ADGRL3: variants seen among roughly 807,000 people sequenced by gnomAD.
ADGRL3 encodes adhesion G protein-coupled receptor L3, also known as calcium-independent alpha-latrotoxin receptor 3.
ADGRL3 carries 62 observed loss-of-function variants against 153.5 expected under a neutral mutation model. The ratio of observed to expected loss-of-function variants is 0.40; its 90% CI spans 0.33 to 0.50. The LOEUF (loss-of-function observed/expected upper bound fraction) is 0.50. ADGRL3 is among the 20% of genes least tolerant of loss of function. The pLI is 0.47. For synonymous variants in ADGRL3, 710 were observed against 672.5 expected (o/e 1.06, Z -0.86); for missense variants, 1,641 against 1,859.4 (o/e 0.88, Z 2.16).
At chr4:61,214,356 C>A (rs543435447) in intron 1 of ADGRL3, among the ~76,000 whole-genome samples, 1 of 152,242 alleles carries the variant, frequency 6.6e-6, no homozygotes, top group South Asian at 2.1e-4. Flanking sequence ...TTGAACGGAC[C>A]TCGTATCTCT....
chr4:61,269,186 T>C (rs2093019355), intron 1 of ADGRL3, among the ~76,000 whole-genome samples: 1 of 151,704 alleles, frequency 6.6e-6, no homozygotes, highest in African/African-American at 2.4e-5. Context: ...GTCTGCTGTA[T>C]GACCAGTTTT....
intron 4 of ADGRL3, among the ~76,000 whole-genome samples, chr4:61,542,713 G>A (rs1182989272): frequency 1.3e-5 from 2 of 152,052 alleles, no homozygotes; most frequent in African/African-American, 4.8e-5. Context: ...CTATTTTGTG[G>A]CATTTTATTT....
In ADGRL3 at chr4:62,070,329, C is replaced by T. The variant is rs1029916749; in HGVS notation, c.4053C>T (p.Arg1351=). The T allele has an allele frequency of 1.9e-6, 3 of 1,553,372 alleles. No individual in the cohort carries two copies. Among genetic ancestry groups the T allele is most frequent in the South Asian group, 1.2e-5 (1 of 84,400 alleles). The change falls in exon 27 of 27, where the codon CGC becomes CGT. Residue 1351 remains arginine, a synonymous_variant. Coordinates refer to ENST00000683033, the MANE Select transcript of ADGRL3 (RefSeq NM_001387552.1). The stretch of plus-strand genomic sequence containing the variant: ...CTTCTTACCTGAACAACCATGAGCG[C>T]TCCAGTGAACAGAACAGGAATCTGA... ...YIPSYLNNHE[R]SSEQNRNLMN...
Position 61,813,792 on chromosome 4 carries a change from T to A in ADGRL3, c.1400-17T>A. The A allele has an allele frequency of 6.2e-7, 1 of 1,606,306 alleles. No homozygotes were observed. Among genetic ancestry groups the A allele is most frequent in the Non-Finnish European group, 8.5e-7 (1 of 1,173,190 alleles). ...ATACGTATGATGTCTTCTTAACAAT[T>A]TGTTTTGGGTCCACAGGGCAGGCAC... On this transcript the variant is annotated splice_polypyrimidine_tract_variant and intron_variant, in intron 8 of 26. Transcript: ENST00000683033.
intron 3 of ADGRL3, among the ~76,000 whole-genome samples, chr4:61,514,592 T>A (rs1011421209): frequency 8.5e-5 from 13 of 152,120 alleles, no homozygotes; most frequent in African/African-American, 3.1e-4. Context: ...GCCTCTCTAG[T>A]TTTTCTGTCA....
At chr4:61,447,941 A>G (rs1489846516) in intron 2 of ADGRL3, among the ~76,000 whole-genome samples, 1 of 152,194 alleles carries the variant, frequency 6.6e-6, no homozygotes, top group Non-Finnish European at 1.5e-5. Context: ...AAACAACAAC[A>G]AAATACGGAC....
intron 10 of ADGRL3, among the ~76,000 whole-genome samples, chr4:61,895,228 G>A (rs561716209): frequency 6.6e-6 from 1 of 152,068 alleles, no homozygotes; most frequent in African/African-American, 2.4e-5. Flanking sequence ...AGCACTTTGC[G>A]AGGCCAAGGC....
chr4:61,317,266 C>A (rs964597106), intron 1 of ADGRL3, among the ~76,000 whole-genome samples: 1 of 152,048 alleles, frequency 6.6e-6, no homozygotes, highest in African/African-American at 2.4e-5. Context: ...ATCTGGCAGA[C>A]CAATATCTTA....
chr4:61,368,605 A>C (rs1340892416), intron 1 of ADGRL3, among the ~76,000 whole-genome samples: 1 of 151,922 alleles, frequency 6.6e-6, no homozygotes, highest in Non-Finnish European at 1.5e-5. Context: ...TTTTGGTACC[A>C]GTACCATGCT....
intron 5 of ADGRL3, among the ~76,000 whole-genome samples, chr4:61,593,765 T>C (rs1320458914): frequency 6.6e-6 from 1 of 152,198 alleles, no homozygotes; most frequent in Non-Finnish European, 1.5e-5. Flanking sequence ...GAAGTTTGAT[T>C]ATTAAAAGCC....
intron 8 of ADGRL3, among the ~76,000 whole-genome samples, chr4:61,786,648 A>G (rs1231459116): frequency 1.3e-5 from 2 of 152,192 alleles, no homozygotes; most frequent in Non-Finnish European, 2.9e-5. Flanking sequence ...TCTGAATAGG[A>G]CATCATATTG....
At chr4:61,664,960 C>T (rs1313631434) in intron 5 of ADGRL3, among the ~76,000 whole-genome samples, 2 of 152,148 alleles carry the variant, frequency 1.3e-5, no homozygotes, top group African/African-American at 4.8e-5. Flanking sequence ...AACTGCATGC[C>T]TCTCAGGTCC....
intron 5 of ADGRL3, among the ~76,000 whole-genome samples, chr4:61,595,051 C>T (rs114144142): frequency 0.031 from 4,754 of 152,172 alleles, 225 homozygotes; most frequent in African/African-American, 0.11. Context: ...GCCTGGAACT[C>T]ACCCTTCAGG....
At chr4:61,715,686 A>G (rs2096094739) in intron 6 of ADGRL3, among the ~76,000 whole-genome samples, 1 of 152,074 alleles carries the variant, frequency 6.6e-6, no homozygotes. Flanking sequence ...TCACATAGCT[A>G]TTTTACAGCT....
At chr4:61,345,812 T>C (rs17090443) in intron 1 of ADGRL3, among the ~76,000 whole-genome samples, 2,473 of 152,302 alleles carry the variant, frequency 0.016, 61 homozygotes, top group African/African-American at 0.052. Context: ...TAGCAAAATA[T>C]TTCATTTCAG....
chr4:61,365,859 C>T (rs1162100876), intron 1 of ADGRL3, among the ~76,000 whole-genome samples: 1 of 152,054 alleles, frequency 6.6e-6, no homozygotes, highest in Non-Finnish European at 1.5e-5. Context: ...ATAATACCTG[C>T]AACATTTTCA....
At chr4:61,434,870 ATCTC>A (rs2097424961) in intron 2 of ADGRL3, among the ~76,000 whole-genome samples, 1 of 152,090 alleles carries the variant, frequency 6.6e-6, no homozygotes, top group Non-Finnish European at 1.5e-5. Flanking sequence ...TGTACATCTC[ATCTC>A]TCTCATTTTG....
At chr4:62,015,474 G>A (rs77153581) in intron 21 of ADGRL3, among the ~76,000 whole-genome samples, 1,720 of 152,198 alleles carry the variant, frequency 0.011, 37 homozygotes, top group African/African-American at 0.04. Context: ...CACAAGTATT[G>A]ACAATATTAG....
intron 3 of ADGRL3, among the ~76,000 whole-genome samples, chr4:61,516,822 C>G (rs753276941): frequency 1.4e-4 from 21 of 151,952 alleles, no homozygotes; most frequent in African/African-American, 4.8e-4. Flanking sequence ...ATACATCAAA[C>G]AAAACAAATA....
Sources: gnomAD v4.1 joint callset for allele counts (sites outside exome capture counted in the v4.1 genomes callset) on GRCh38, gnomAD v4.1.1 for gene constraint, MANE v1.5 for transcripts, NCBI Gene and HGNC (gene_info 2026-07-23, HGNC 2026-07-21) for gene names.